The following EDAR variants were observed in gnomAD, a reference collection of about 807,000 sequenced individuals.
EDAR encodes tumor necrosis factor receptor superfamily member EDAR.
Under a neutral mutation model 51.3 loss-of-function variants are expected in EDAR, and 38 were observed. That is an observed-to-expected ratio of 0.74 (90% CI 0.57 to 0.97). EDAR has a LOEUF of 0.97. EDAR is among the 50% of genes least tolerant of loss of function. The pLI, the probability that EDAR is intolerant of heterozygous loss-of-function variation, is 0.00. For synonymous variants in EDAR, 227 were observed against 242.1 expected, an observed-to-expected ratio of 0.94 and a Z score of 0.58; for missense variants, 528 against 595.0, an observed-to-expected ratio of 0.89 and a Z score of 1.17.
intron 1 of EDAR, among the ~76,000 whole-genome samples, chr2:108,980,668 G>A (rs963059626): frequency 1.3e-5 from 2 of 152,076 alleles, no homozygotes; most frequent in Non-Finnish European, 2.9e-5. Context: ...CTGATAAGAC[G>A]ACGTGTTAGC....
chr2:108,961,748 G>A (rs1467863973), intron 1 of EDAR, among the ~76,000 whole-genome samples: 3 of 152,148 alleles, frequency 2.0e-5, no homozygotes, highest in African/African-American at 7.2e-5. Flanking sequence ...TCCTGGAAGA[G>A]GTGAGAAGTG....
chr2:108,959,944 C>G (rs939595611), intron 1 of EDAR, among the ~76,000 whole-genome samples: 1 of 152,238 alleles, frequency 6.6e-6, no homozygotes, highest in Non-Finnish European at 1.5e-5. Flanking sequence ...CCATGTTACA[C>G]AGTGCTATAC....
At position 108,915,627 on chromosome 2, in the gene EDAR, C is replaced by T. The variant is rs534856637; in HGVS notation, c.443-2863G>A. Among the ~76,000 whole-genome samples the T allele has an allele frequency of 1.7e-4, 26 of 152,218 alleles. 1 individual carries two copies. In the South Asian group the frequency reaches 3.3e-3, roughly 19 times the overall value. On this transcript the variant is annotated intron_variant, in intron 5 of 11. Coordinates refer to ENST00000258443, the MANE Select transcript of EDAR (RefSeq NM_022336.4). ...TATTAGGGAAAGAGCTGCCCAGGCA[C>T]GGTGGCTCATGCCTATAATCCCAGC...
At chr2:108,923,541 T>G in intron 4 of EDAR, 88 bp from the exon 5 acceptor site, 1 of 1,225,556 alleles carries the variant, frequency 8.2e-7, no homozygotes, top group Non-Finnish European at 1.2e-6. Flanking sequence ...GTGGCCAGTC[T>G]GCAGGCCCAC....
intron 1 of EDAR, among the ~76,000 whole-genome samples, chr2:108,941,728 C>T (rs1208878579): frequency 2.6e-5 from 4 of 152,186 alleles, no homozygotes; most frequent in African/African-American, 9.7e-5. Flanking sequence ...CAACCCAAGC[C>T]TTCTCTCCTA....
At chr2:108,974,662 G>A (rs1017062100) in intron 1 of EDAR, among the ~76,000 whole-genome samples, 18 of 152,050 alleles carry the variant, frequency 1.2e-4, no homozygotes, top group African/African-American at 1.9e-4. Context: ...CCCGGCAGGC[G>A]AAGGTTTCAG....
Position 108,910,589 on chromosome 2 carries a change from C to T in EDAR, c.731-57G>A, listed in dbSNP as rs142670672. On this transcript the variant is annotated intron_variant, in intron 8 of 11. Coordinates refer to ENST00000258443, the MANE Select transcript of EDAR (RefSeq NM_022336.4). ...GAGTTAGAATTGGCTCATGGCTCTG[C>T]GCTCAGCCCAACCCTGCTCTTCCTG... is the stretch of plus-strand genomic sequence containing the variant. The T allele has an allele frequency of 2.3e-4, 348 of 1,491,770 alleles. 4 individuals carry two copies. In the South Asian group the frequency reaches 2.4e-3, roughly 10 times the overall value. 92.4% of individuals were successfully genotyped at this position (1,491,770 alleles called of 1,614,324 possible).
At chr2:108,917,893 C>A (rs2105418513) in intron 5 of EDAR, among the ~76,000 whole-genome samples, 1 of 152,244 alleles carries the variant, frequency 6.6e-6, no homozygotes, top group Admixed American at 6.5e-5. Flanking sequence ...GGATAATCAG[C>A]CCTGGGTGGG....
At chr2:108,943,269 G>T (rs997855182) in intron 1 of EDAR, among the ~76,000 whole-genome samples, 1 of 152,180 alleles carries the variant, frequency 6.6e-6, no homozygotes, top group Non-Finnish European at 1.5e-5. Flanking sequence ...ACCTGAGACG[G>T]GTCTGCTCCG....
chr2:108,895,299 T>C lies in EDAR; in HGVS notation c.*1608A>G, dbSNP rs1056465311. The C allele has an allele frequency of 6.6e-6, 1 of 152,620 alleles. No individual in the cohort carries two copies. Among genetic ancestry groups the C allele is most frequent in the African/African-American group, 2.4e-5 (1 of 41,440 alleles). The allele number at this position is 152,620 out of a possible 1,614,324, so 9.5% of individuals were successfully genotyped here. A position where few individuals can be genotyped will look rare whatever the true frequency, so the allele number is the denominator to read the frequency against. ...AGCATTTTTTCAGTCATGCAACTTG[T>C]AATTTTTACAACCTCGCTTTATAAG... is the stretch of plus-strand genomic sequence containing the variant. On this transcript the variant is annotated 3_prime_UTR_variant, in exon 12 of 12. Transcript: ENST00000258443.
chr2:108,923,417 A>G lies in EDAR; in HGVS notation c.393T>C (p.Tyr131=). 6.2e-7 allele frequency: 1 copy of G among 1,614,236 alleles called. No individual in the cohort carries two copies. Among genetic ancestry groups the G allele is most frequent in the Non-Finnish European group, 8.5e-7 (1 of 1,180,044 alleles). ...YMLENRPRNI[Y]GMVCYSCLLA... is the part of the protein sequence containing the mutation. Reference sequence around the variant, plus strand: ...GGAGGCAGGAGTAGCAGACCATGCCATAGATGTTCCTCGGTCTGTTCTCCA... The same window carrying G: ...GGAGGCAGGAGTAGCAGACCATGCCGTAGATGTTCCTCGGTCTGTTCTCCA... The change falls in exon 5 of 12, where the codon TAT becomes TAC. Residue 131 remains tyrosine (Y), a synonymous_variant. Coordinates refer to ENST00000258443, the MANE Select transcript of EDAR (RefSeq NM_022336.4).
chr2:108,957,492 CA>C (rs962597838), intron 1 of EDAR, among the ~76,000 whole-genome samples: 10 of 152,214 alleles, frequency 6.6e-5, no homozygotes, highest in Non-Finnish European at 1.5e-4. Flanking sequence ...GGAGGCCCCC[CA>C]GGGGGCTGGA....
chr2:108,964,275 G>A (rs1698108526), intron 1 of EDAR, among the ~76,000 whole-genome samples: 1 of 152,096 alleles, frequency 6.6e-6, no homozygotes, highest in South Asian at 2.1e-4. Context: ...GGACTTTTCT[G>A]AGGTCCACCG....
chr2:108,971,085 G>C (rs62151093), intron 1 of EDAR, among the ~76,000 whole-genome samples: 1 of 152,190 alleles, frequency 6.6e-6, no homozygotes, highest in East Asian at 1.9e-4. Flanking sequence ...TGCTCACTGG[G>C]GGATTCTTCA....
intron 11 of EDAR, among the ~76,000 whole-genome samples, chr2:108,897,852 A>G (rs1255788525): frequency 6.6e-6 from 1 of 152,238 alleles, no homozygotes; most frequent in Non-Finnish European, 1.5e-5. Flanking sequence ...AGCCCTGGAC[A>G]TTCTGTGTAA....
At chr2:108,903,245 C>G (rs995470321) in intron 11 of EDAR, among the ~76,000 whole-genome samples, 1 of 151,946 alleles carries the variant, frequency 6.6e-6, no homozygotes, top group Non-Finnish European at 1.5e-5. Flanking sequence ...TAAAGTTGTG[C>G]TAAATAAATG....
intron 11 of EDAR, among the ~76,000 whole-genome samples, chr2:108,904,200 A>G (rs1253770973): frequency 6.6e-6 from 1 of 152,172 alleles, no homozygotes; most frequent in Non-Finnish European, 1.5e-5. Context: ...CACACAGATG[A>G]AAAAAACACA....
At chr2:108,913,476 A>G (rs1053024013) in intron 5 of EDAR, among the ~76,000 whole-genome samples, 3 of 152,198 alleles carry the variant, frequency 2.0e-5, no homozygotes, top group African/African-American at 7.2e-5. Flanking sequence ...ATGTGTTAAT[A>G]CTTTTTCCAG....
intron 1 of EDAR, among the ~76,000 whole-genome samples, chr2:108,971,161 T>C (rs1698225345): frequency 2.0e-5 from 3 of 152,160 alleles, no homozygotes; most frequent in Admixed American, 6.5e-5. Context: ...CTGATGGTGC[T>C]GGCTACATGT....
Sources: gnomAD v4.1 joint callset for allele counts (sites outside exome capture counted in the v4.1 genomes callset) on GRCh38, gnomAD v4.1.1 for gene constraint, MANE v1.5 for transcripts, NCBI Gene and HGNC (gene_info 2026-07-23, HGNC 2026-07-21) for gene names.